The following CNTN3 variants were observed in gnomAD, a reference collection of about 807,000 sequenced individuals.
CNTN3 encodes contactin-3.
Under a neutral mutation model 119.1 loss-of-function variants are expected in CNTN3, and 60 were observed. The observed-to-expected ratio is 0.50, with a 90% confidence interval of 0.41 to 0.62. The LOEUF is 0.62. Ranked by LOEUF, CNTN3 falls within the 20% of genes least tolerant of loss-of-function variation. CNTN3 has a pLI of 0.00. For missense variants in CNTN3, 1,101 were observed against 1,242.4 expected, an observed-to-expected ratio of 0.89 and a Z score of 1.71; for synonymous variants, 450 against 438.7, an observed-to-expected ratio of 1.03 and a Z score of -0.32.
intron 1 of CNTN3, among the ~76,000 whole-genome samples, chr3:74,540,561 T>C (rs895306405): frequency 2.6e-5 from 4 of 152,184 alleles, no homozygotes; most frequent in Non-Finnish European, 4.4e-5. Flanking sequence ...TATGTATTAA[T>C]CTTCACACTA....
intron 1 of CNTN3, among the ~76,000 whole-genome samples, chr3:74,599,825 C>G (rs1704879102): frequency 6.6e-6 from 1 of 151,970 alleles, no homozygotes; most frequent in Admixed American, 6.6e-5. Flanking sequence ...TAATGACTCC[C>G]AATGATTTCT....
At chr3:74,611,363 A>T (rs1325891346) in intron 1 of CNTN3, among the ~76,000 whole-genome samples, 1 of 152,288 alleles carries the variant, frequency 6.6e-6, no homozygotes. Flanking sequence ...ACATGTACAT[A>T]AAAGGGGGAA....
chr3:74,483,333 G>A (rs765831184), intron 4 of CNTN3, among the ~76,000 whole-genome samples: 1 of 151,982 alleles, frequency 6.6e-6, no homozygotes, highest in Non-Finnish European at 1.5e-5. Context: ...TCCTCATATG[G>A]TGCACCCCAA....
At chr3:74,362,110 A>T in intron 10 of CNTN3, 70 bp from the exon 11 acceptor site, 1 of 1,556,520 alleles carries the variant, frequency 6.4e-7, no homozygotes, top group Non-Finnish European at 8.7e-7. Context: ...TCAAAGGTCC[A>T]CTTTTACAGT....
intron 13 of CNTN3, among the ~76,000 whole-genome samples, chr3:74,318,669 T>C (rs921589720): frequency 6.6e-6 from 1 of 152,162 alleles, no homozygotes; most frequent in African/African-American, 2.4e-5. Context: ...TGTAGAACAG[T>C]GGATCTTGGT....
chr3:74,608,611 A>T (rs896401845), intron 1 of CNTN3, among the ~76,000 whole-genome samples: 2 of 152,154 alleles, frequency 1.3e-5, no homozygotes, highest in African/African-American at 2.4e-5. Flanking sequence ...GTTGTCAACT[A>T]ATGATTTGTC....
At chr3:74,577,294 T>A (rs1167597708) in intron 1 of CNTN3, among the ~76,000 whole-genome samples, 1 of 152,200 alleles carries the variant, frequency 6.6e-6, no homozygotes. Flanking sequence ...ATCCAAGTGA[T>A]ATCAGCAGTT....
chr3:74,531,870 T>C (rs1703697788), intron 1 of CNTN3, among the ~76,000 whole-genome samples: 1 of 151,850 alleles, frequency 6.6e-6, no homozygotes, highest in African/African-American at 2.4e-5. Flanking sequence ...TTCCTTCTAG[T>C]ATGATGGAAA....
chr3:74,343,424 T>C (rs1175089408), intron 11 of CNTN3, among the ~76,000 whole-genome samples: 3 of 152,186 alleles, frequency 2.0e-5, no homozygotes, highest in Admixed American at 2.0e-4. Flanking sequence ...AATATCCAAA[T>C]GTTACTCCAG....
rs966530634 is a variant in CNTN3 at position 74,546,020 on chromosome 3, G to T, written c.-80-24828C>A. Among the ~76,000 whole-genome samples the T allele has an allele frequency of 2.0e-5, 3 of 151,666 alleles. No homozygotes were observed. The South Asian group carries it at 6.3e-4, about 32-fold the overall frequency. On this transcript the variant is annotated intron_variant, in intron 1 of 22. Transcript: ENST00000263665. ...TTCTTTTTTTTTTCTTTTTGAAATG[G>T]AGTCTCGCTCTGTCACCCAGGCTGG...
chr3:74,591,188 T>C (rs560544168), intron 1 of CNTN3, among the ~76,000 whole-genome samples: 1 of 152,070 alleles, frequency 6.6e-6, no homozygotes, highest in East Asian at 1.9e-4. Flanking sequence ...TTGGTTTTTT[T>C]GAGGTCATGT....
chr3:74,316,863 G>C (rs2106656783), intron 13 of CNTN3, among the ~76,000 whole-genome samples: 1 of 151,754 alleles, frequency 6.6e-6, no homozygotes, highest in African/African-American at 2.4e-5. Flanking sequence ...GGGAGGCAGA[G>C]CTTGCAATCA....
At chr3:74,295,897 T>C (rs1378717163) in intron 18 of CNTN3, among the ~76,000 whole-genome samples, 1 of 152,162 alleles carries the variant, frequency 6.6e-6, no homozygotes, top group African/African-American at 2.4e-5. Flanking sequence ...CAAATGATCC[T>C]GCTTCTCAGA....
chr3:74,280,601 G>A (rs1401368992), intron 20 of CNTN3, among the ~76,000 whole-genome samples: 1 of 152,218 alleles, frequency 6.6e-6, no homozygotes. Flanking sequence ...GCCACGAAGA[G>A]AGAACTTGGT....
At chr3:74,307,753 G>A (rs1702594479) in intron 13 of CNTN3, among the ~76,000 whole-genome samples, 1 of 152,106 alleles carries the variant, frequency 6.6e-6, no homozygotes, top group Non-Finnish European at 1.5e-5. Flanking sequence ...GGAATTAGGG[G>A]AACCTCTTGA....
At chr3:74,388,258 T>C (rs920469556) in intron 5 of CNTN3, among the ~76,000 whole-genome samples, 2 of 152,192 alleles carry the variant, frequency 1.3e-5, no homozygotes, top group Non-Finnish European at 2.9e-5. Flanking sequence ...ATAAAAAGTC[T>C]ACACTGTAAA....
In CNTN3 at chr3:74,553,714, C is replaced by T. The variant is rs1161659430; in HGVS notation, c.-80-32522G>A. On this transcript the variant is annotated intron_variant, in intron 1 of 22. Transcript: ENST00000263665. ...TGTCTCTTAGCTGCATAAATGTCTT[C>T]TTTTGAGAAGTGTCTGTTCATGTCC... Among the ~76,000 whole-genome samples the T allele has an allele frequency of 2.0e-5, 3 of 152,156 alleles. No individual in the cohort carries two copies. In the East Asian group the frequency reaches 5.8e-4, roughly 29 times the overall value.
chr3:74,574,808 T>G (rs185418323), intron 1 of CNTN3, among the ~76,000 whole-genome samples: 1 of 152,310 alleles, frequency 6.6e-6, no homozygotes, highest in African/African-American at 2.4e-5. Context: ...CTCTATATAC[T>G]TAGTCTTATC....
intron 4 of CNTN3, among the ~76,000 whole-genome samples, chr3:74,458,656 G>T (rs1008471588): frequency 5.3e-5 from 8 of 151,936 alleles, no homozygotes; most frequent in African/African-American, 1.9e-4. Flanking sequence ...CTACAGAGAT[G>T]GAGAAGAGAT....
Sources: gnomAD v4.1 joint callset for allele counts (sites outside exome capture counted in the v4.1 genomes callset) on GRCh38, gnomAD v4.1.1 for gene constraint, MANE v1.5 for transcripts, NCBI Gene and HGNC (gene_info 2026-07-23, HGNC 2026-07-21) for gene names.